The following NDUFAF6 variants were observed in gnomAD, a reference collection of about 807,000 sequenced individuals.
NDUFAF6 encodes NADH:ubiquinone oxidoreductase complex assembly factor 6.
In NDUFAF6, 45 loss-of-function variants were observed where a neutral mutation model predicts 40.8. The observed-to-expected ratio is 1.10, with a 90% confidence interval of 0.87 to 1.42. The LOEUF (loss-of-function observed/expected upper bound fraction) is 1.42, where lower values mean the gene tolerates loss of function less well. Ranked by LOEUF, NDUFAF6 falls within the 40% of genes most tolerant of loss-of-function variation. The pLI, the probability that NDUFAF6 is intolerant of heterozygous loss-of-function variation, is 0.00. For synonymous variants in NDUFAF6, 185 were observed against 155.9 expected, an observed-to-expected ratio of 1.19 and a Z score of -1.39; for missense variants, 435 against 418.5, an observed-to-expected ratio of 1.04 and a Z score of -0.34.
intron 2 of NDUFAF6, among the ~76,000 whole-genome samples, chr8:95,010,170 C>A (rs1192609224): frequency 5.3e-5 from 8 of 152,156 alleles, no homozygotes; most frequent in East Asian, 1.9e-4. Flanking sequence ...CTCACTGTAA[C>A]CTCCACCTCC....
intron 1 of NDUFAF6, among the ~76,000 whole-genome samples, chr8:94,973,926 G>A (rs1238972419): frequency 6.6e-6 from 1 of 151,462 alleles, no homozygotes; most frequent in African/African-American, 2.4e-5. Flanking sequence ...CTCCAGAACT[G>A]TGAGAAATAA....
intron 1 of NDUFAF6, among the ~76,000 whole-genome samples, chr8:94,966,976 C>G (rs76335600): frequency 6.6e-6 from 1 of 152,090 alleles, no homozygotes. Context: ...CTTAGCTAGG[C>G]CCCTCACTGC....
chr8:95,010,289 A>C (rs557172213), intron 2 of NDUFAF6, among the ~76,000 whole-genome samples: 47 of 152,180 alleles, frequency 3.1e-4, no homozygotes, highest in African/African-American at 1.1e-3. Context: ...GGGTTTTGCT[A>C]TGTTGGCCAG....
At chr8:94,928,615 A>G (rs905594878) in intron 1 of NDUFAF6, 1 of 152,384 alleles carries the variant, frequency 6.6e-6, no homozygotes, top group African/African-American at 2.4e-5. Flanking sequence ...GGCAATAAGG[A>G]GAAAGGGGGA....
chr8:95,011,327 T>C (rs544580852), intron 2 of NDUFAF6, among the ~76,000 whole-genome samples: 81 of 152,356 alleles, frequency 5.3e-4, no homozygotes, highest in African/African-American at 1.9e-3. Flanking sequence ...CCTCTCACTT[T>C]GTTACGCAGA....
intron 4 of NDUFAF6, among the ~76,000 whole-genome samples, chr8:95,043,218 G>GA (rs1830340611): frequency 6.6e-6 from 1 of 151,390 alleles, no homozygotes; most frequent in African/African-American, 2.4e-5. Flanking sequence ...CTGAGTAGCT[G>GA]AGACTACAGG....
At chr8:94,921,135 A>G (rs1819473332) in intron 1 of NDUFAF6, among the ~76,000 whole-genome samples, 1 of 152,244 alleles carries the variant, frequency 6.6e-6, no homozygotes. Context: ...GTCCAAGGGT[A>G]GAGCTTGATC....
chr8:95,045,791 A>G, intron 5 of NDUFAF6, 144 bp downstream of exon 5: 1 of 637,762 alleles, frequency 1.6e-6, no homozygotes, highest in South Asian at 2.0e-5. Context: ...TTTTGTTATT[A>G]TTATTAGCAA....
chr8:94,901,728 T>A (rs1818030673), intron 1 of NDUFAF6, among the ~76,000 whole-genome samples: 1 of 152,126 alleles, frequency 6.6e-6, no homozygotes, highest in Admixed American at 6.5e-5. Context: ...ATTACAGGCA[T>A]GCGTCACCAT....
intron 9 of NDUFAF6, chr8:95,066,931 CAGG>C (rs543227323): frequency 4.1e-4 from 62 of 152,294 alleles, no homozygotes; most frequent in African/African-American, 1.4e-3. Context: ...CCATAATAAC[CAGG>C]AGAAGTGGCA....
intron 8 of NDUFAF6, among the ~76,000 whole-genome samples, chr8:95,056,630 G>A (rs1832183810): frequency 1.3e-5 from 2 of 152,004 alleles, no homozygotes; most frequent in South Asian, 2.1e-4. Context: ...ATAATGGCCG[G>A]GTGCGGTGGC....
intron 1 of NDUFAF6, among the ~76,000 whole-genome samples, chr8:94,965,908 T>C (rs1181036730): frequency 6.6e-6 from 1 of 152,200 alleles, no homozygotes; most frequent in African/African-American, 2.4e-5. Flanking sequence ...GAAGTAATAT[T>C]TTTATGGTCA....
chr8:95,042,734 A>C (rs1265743381), intron 4 of NDUFAF6, among the ~76,000 whole-genome samples: 1 of 152,240 alleles, frequency 6.6e-6, no homozygotes, highest in Non-Finnish European at 1.5e-5. Flanking sequence ...TCCTGATTTC[A>C]GAACTTAACT....
chr8:95,041,523 T>C, intron 3 of NDUFAF6, 47 bp from the exon 4 acceptor site: 1 of 1,331,428 alleles, frequency 7.5e-7, no homozygotes, highest in African/African-American at 1.4e-5. Context: ...TCTACAGAAG[T>C]CATTTCTAGT....
At position 94,945,089 on chromosome 8, in the gene NDUFAF6, C is replaced by T. The variant is rs1265967294; in HGVS notation, c.-935-394C>T. 3.3e-5 allele frequency among the ~76,000 whole-genome samples: 5 copies of T among 152,276 alleles called. No individual in the cohort carries two copies. In the South Asian group the frequency reaches 8.3e-4, roughly 25 times the overall value. On this transcript the variant is annotated intron_variant, in intron 1 of 14. Transcript: ENST00000396113. Reference sequence around the variant, plus strand: ...TGCATTTTTCATTTTACTATTTAATCCATTTACTAAGTTTAATCCAGTTAA... The same window carrying T: ...TGCATTTTTCATTTTACTATTTAATTCATTTACTAAGTTTAATCCAGTTAA...
intron 3 of NDUFAF6, among the ~76,000 whole-genome samples, chr8:95,039,135 C>T (rs1261800517): frequency 1.3e-5 from 2 of 151,806 alleles, no homozygotes; most frequent in Non-Finnish European, 2.9e-5. Flanking sequence ...CGCCACCATG[C>T]CTGGCTAATT....
chr8:95,075,815 ACG>A, exon 10 of NDUFAF6: 27 of 631,960 alleles, frequency 4.3e-5, no homozygotes, highest in Non-Finnish European at 6.1e-5. Context: ...TCACTCGAAC[ACG>A]CACACACTTC....
intron 1 of NDUFAF6, among the ~76,000 whole-genome samples, chr8:94,963,959 G>A (rs1437598819): frequency 6.6e-6 from 1 of 152,110 alleles, no homozygotes; most frequent in Non-Finnish European, 1.5e-5. Flanking sequence ...CATCCTGTTA[G>A]GGCTGTGGGA....
chr8:94,975,025 T>C (rs3802193), intron 1 of NDUFAF6, among the ~76,000 whole-genome samples: 109,435 of 152,168 alleles, frequency 0.72, 39,542 homozygotes, highest in East Asian at 0.78. Context: ...ACCAGCTCCT[T>C]GCTTCTTCCT....
Sources: gnomAD v4.1 joint callset for allele counts (sites outside exome capture counted in the v4.1 genomes callset) on GRCh38, gnomAD v4.1.1 for gene constraint, MANE v1.5 for transcripts, NCBI Gene and HGNC (gene_info 2026-07-23, HGNC 2026-07-21) for gene names.